BRIP1: variants seen among roughly 807,000 people sequenced by gnomAD.
BRIP1 encodes Fanconi anemia group J protein.
A neutral mutation model predicts 119.7 loss-of-function variants in BRIP1; 88 were observed. The ratio of observed to expected loss-of-function variants is 0.74; its 90% confidence interval spans 0.62 to 0.88. The LOEUF is 0.88. Among genes scored for constraint, BRIP1 ranks in the 40% least tolerant of loss-of-function variants. BRIP1 has a pLI of 0.00. For synonymous variants in BRIP1, 443 were observed against 496.5 expected (o/e 0.89, Z 1.43); for missense variants, 1,259 against 1,455.4 (o/e 0.87, Z 2.20).
At position 61,739,601 on chromosome 17, in the gene BRIP1, TAGAAAAATAAA is replaced by T. The variant is rs1412568972; in HGVS notation, c.2379+3401_2379+3411del. 6.6e-6 allele frequency among the ~76,000 whole-genome samples: 1 copy of T among 152,128 alleles called. No individual in the cohort carries two copies. Among genetic ancestry groups the T allele is most frequent in the African/African-American group, 2.4e-5 (1 of 41,436 alleles). On this transcript the variant is annotated intron_variant, in intron 16 of 19. Transcript: ENST00000259008. This position sits in a 1 kb window ranked among gnomAD's most constrained non-coding sequence, Gnocchi z 6.0. ...ATGTTACCTAAAGACTGCTACGGAC[TAGAAAAATAAA>T]AGAAAAATTATCTAATTCACAGTAC...
intron 16 of BRIP1, among the ~76,000 whole-genome samples, chr17:61,733,480 C>A (rs2076877844): frequency 6.6e-6 from 1 of 152,134 alleles, no homozygotes; most frequent in Non-Finnish European, 1.5e-5. Flanking sequence ...AGGGAAAGCA[C>A]CCTTTTTCTG....
Position 61,708,700 on chromosome 17 carries a change from C to T in BRIP1, c.2492+7251G>A, listed in dbSNP as rs1202479924. 6.6e-6 allele frequency among the ~76,000 whole-genome samples: 1 copy of T among 152,136 alleles called. No individual in the cohort carries two copies. Among genetic ancestry groups the T allele is most frequent in the Non-Finnish European group, 1.5e-5 (1 of 68,030 alleles). On this transcript the variant is annotated intron_variant, in intron 17 of 19. Coordinates refer to ENST00000259008, the MANE Select transcript of BRIP1 (RefSeq NM_032043.3). This position sits in a 1 kb window ranked among gnomAD's most constrained non-coding sequence, Gnocchi z 4.4. ...CAATCTGGTGAAGACTCTGCACTTACTTAAGAGTAAGGCACTAAAACACTG... is the reference window on the plus strand; with the variant it reads ...CAATCTGGTGAAGACTCTGCACTTATTTAAGAGTAAGGCACTAAAACACTG...
At chr17:61,784,454 G>A (rs374100914) in intron 10 of BRIP1, 30 bp from the exon 11 acceptor site, 2 of 1,581,244 alleles carry the variant, frequency 1.3e-6, no homozygotes, top group Non-Finnish European at 1.7e-6. Context: ...TAAGTATAGA[G>A]GGGTTGGGAG....
chr17:61,764,446 G>A (rs990499457), intron 14 of BRIP1, among the ~76,000 whole-genome samples: 2 of 152,066 alleles, frequency 1.3e-5, no homozygotes, highest in African/African-American at 4.8e-5. Context: ...TCACTTTTTT[G>A]TCCCATGACC....
Position 61,816,113 on chromosome 17 carries a change from T to A in BRIP1, c.628-7356A>T, listed in dbSNP as rs758577679. 4.6e-5 allele frequency among the ~76,000 whole-genome samples: 7 copies of A among 152,212 alleles called. No individual in the cohort carries two copies. Among genetic ancestry groups the A allele is most frequent in the Non-Finnish European group, 8.8e-5 (6 of 68,030 alleles). ...ACAGCAACCAGCAGGTGAACCTGAT[T>A]CAATATTTATCACAGGCTTTCATAG... On this transcript the variant is annotated intron_variant, in intron 6 of 19. Transcript: ENST00000259008. This position sits in a 1 kb window ranked among gnomAD's most constrained non-coding sequence, Gnocchi z 5.0.
Position 61,729,883 on chromosome 17 carries a change from C to A in BRIP1, c.2379+13130G>T, listed in dbSNP as rs2076821175. The stretch of plus-strand genomic sequence containing the variant: ...GACCGTGGGGGGTGTCTAGATCCCA[C>A]TACCGGCATCTAGTGGGTAAATGCT... On this transcript the variant is annotated intron_variant, in intron 16 of 19. Transcript: ENST00000259008. This position sits in a 1 kb window ranked among gnomAD's most constrained non-coding sequence, Gnocchi z 5.6. Among the ~76,000 whole-genome samples the A allele has an allele frequency of 6.6e-6, 1 of 152,032 alleles. No homozygotes were observed. The highest frequency in any genetic ancestry group is 1.5e-5 in the Non-Finnish European group (1 of 68,016).
rs1416692268 is a variant in BRIP1 at position 61,730,714 on chromosome 17, T to C, written c.2379+12299A>G. On this transcript the variant is annotated intron_variant, in intron 16 of 19. Transcript: ENST00000259008. The surrounding 1 kb of genome is among the most constrained non-coding windows in gnomAD (Gnocchi z 4.3). ...GGCATGGCTTTATGTATTTATTTAT[T>C]TATTTTTTGCTAAGGAAATACAATG... 3.3e-5 allele frequency among the ~76,000 whole-genome samples: 5 copies of C among 152,186 alleles called. No homozygotes were observed. The highest frequency in any genetic ancestry group is 9.7e-5 in the African/African-American group (4 of 41,434).
chr17:61,786,896 TTATA>T (rs1191455063), intron 10 of BRIP1, among the ~76,000 whole-genome samples: 1 of 109,750 alleles, frequency 9.1e-6, no homozygotes, highest in African/African-American at 3.6e-5. Flanking sequence ...TAAATATATT[TTATA>T]TATAATGTAA....
In BRIP1 at chr17:61,703,157, C is replaced by T. The variant is rs965203985; in HGVS notation, c.2493-9645G>A. Among the ~76,000 whole-genome samples, 11 of 152,166 alleles carry T rather than the reference C, an allele frequency of 7.2e-5. No individual in the cohort carries two copies. The highest frequency in any genetic ancestry group is 1.9e-4 in the African/African-American group (8 of 41,518). On this transcript the variant is annotated intron_variant, in intron 17 of 19. Coordinates refer to ENST00000259008, the MANE Select transcript of BRIP1 (RefSeq NM_032043.3). This position sits in a 1 kb window ranked among gnomAD's most constrained non-coding sequence, Gnocchi z 5.0. ...CCAACTCACTGCAAACTCCACCTCC[C>T]GGGTTCAAACGATTCTCCTGCTTAG...
chr17:61,854,406 A>G (rs7216123), intron 4 of BRIP1, among the ~76,000 whole-genome samples: 151,389 of 152,266 alleles, frequency 0.99, 75,263 homozygotes, highest in Middle Eastern at 1. Flanking sequence ...GAAACAGTTT[A>G]GAAATTTCTT....
intron 10 of BRIP1, among the ~76,000 whole-genome samples, chr17:61,787,021 T>TATATAA (rs2077728774): frequency 8.5e-6 from 1 of 117,754 alleles, no homozygotes. Context: ...ATTATAATTT[T>TATATAA]ATTTATAAAT....
intron 14 of BRIP1, among the ~76,000 whole-genome samples, chr17:61,772,157 T>TTA (rs71150699): frequency 4.3e-3 from 332 of 76,650 alleles, no homozygotes; most frequent in African/African-American, 7.3e-3. Flanking sequence ...AAATGTGAGA[T>TTA]TATATATATA....
chr17:61,825,046 G>A lies in BRIP1; in HGVS notation c.628-16289C>T, dbSNP rs2078383799. Among the ~76,000 whole-genome samples the A allele has an allele frequency of 6.6e-6, 1 of 152,306 alleles. No individual in the cohort carries two copies. The highest frequency in any genetic ancestry group is 2.1e-4 in the South Asian group (1 of 4,824). On this transcript the variant is annotated intron_variant, in intron 6 of 19. Transcript: ENST00000259008. The surrounding 1 kb of genome is among the most constrained non-coding windows in gnomAD (Gnocchi z 4.1). Reference sequence around the variant, plus strand: ...CACGCCTGTAATCCCAACACTTTGGGAGGCTGAGGCAGGCGGATCGCAAGG... The same window carrying A: ...CACGCCTGTAATCCCAACACTTTGGAAGGCTGAGGCAGGCGGATCGCAAGG...
At position 61,775,875 on chromosome 17, in the gene BRIP1, AT is replaced by A. The variant is rs1282162090; in HGVS notation, c.2097+525del. 6.5e-6 allele frequency: 1 copy of A among 154,956 alleles called. No homozygotes were observed. The allele number at this position is 154,956 out of a possible 1,614,324, so 9.6% of individuals were successfully genotyped here. On this transcript the variant is annotated intron_variant, in intron 14 of 19. Transcript: ENST00000259008. The surrounding 1 kb of genome is among the most constrained non-coding windows in gnomAD (Gnocchi z 4.4). ...TAATTAACATTGCTTGAAGACTTTT[AT>A]TCTTTCAGATTATTTTATTTTATTT...
intron 14 of BRIP1, among the ~76,000 whole-genome samples, chr17:61,772,261 G>A (rs2077466544): frequency 7.0e-6 from 1 of 142,612 alleles, no homozygotes; most frequent in African/African-American, 2.6e-5. Flanking sequence ...GCTACAAGAT[G>A]GACGAACCCT....
At chr17:61,787,731 G>A (rs994799344) in intron 10 of BRIP1, among the ~76,000 whole-genome samples, 1 of 151,842 alleles carries the variant, frequency 6.6e-6, no homozygotes, top group African/African-American at 2.4e-5. Context: ...TGCAAGCTCC[G>A]CCTCCCAGGT....
intron 14 of BRIP1, among the ~76,000 whole-genome samples, chr17:61,765,404 TATATATATATA>T (rs2077348645): frequency 6.1e-5 from 1 of 16,288 alleles, no homozygotes; most frequent in African/African-American, 2.3e-4. Flanking sequence ...TATATATATA[TATATATATATA>T]TATATATATT....
At position 61,684,163 on chromosome 17, in the gene BRIP1, G is replaced by T. The variant is rs774545364; in HGVS notation, c.2906-23C>A. 3 of 1,609,924 alleles carry T rather than the reference G, an allele frequency of 1.9e-6. No individual in the cohort carries two copies. The highest frequency in any genetic ancestry group is 2.5e-6 in the Non-Finnish European group (3 of 1,178,076). On this transcript the variant is annotated intron_variant, in intron 19 of 19. Transcript: ENST00000259008. This position sits in a 1 kb window ranked among gnomAD's most constrained non-coding sequence, Gnocchi z 4.5. Reference sequence around the variant, plus strand: ...CATCTAAGAATACAAGAATTTAAGAGATTTAACTTTCTGCTCCTAGCTAAC... The same window carrying T: ...CATCTAAGAATACAAGAATTTAAGATATTTAACTTTCTGCTCCTAGCTAAC...
chr17:61,785,930 G>T (rs765386492), intron 10 of BRIP1, among the ~76,000 whole-genome samples: 6 of 151,824 alleles, frequency 4.0e-5, no homozygotes, highest in Middle Eastern at 3.4e-3. Flanking sequence ...AGCTGGGTTG[G>T]GGGGGGTAGA....
Sources: gnomAD v4.1 joint callset for allele counts (sites outside exome capture counted in the v4.1 genomes callset) on GRCh38, gnomAD v4.1.1 for gene constraint, Gnocchi (gnomAD v3.1) non-coding constraint, MANE v1.5 for transcripts, NCBI Gene and HGNC (gene_info 2026-07-23, HGNC 2026-07-21) for gene names.